Variants in FMNL2 observed in about 807,000 individuals in gnomAD.
FMNL2 encodes the protein formin-like protein 2.
Under a neutral mutation model 130.2 loss-of-function variants are expected in FMNL2, and 51 were observed. That is an observed-to-expected ratio of 0.39 (90% confidence interval 0.31 to 0.49). The LOEUF (loss-of-function observed/expected upper bound fraction) is 0.49. FMNL2 is among the 20% of genes least tolerant of loss of function. FMNL2 has a pLI of 0.85. For missense variants in FMNL2, 977 were observed against 1,316.2 expected (o/e 0.74, Z 3.99); for synonymous variants, 465 against 467.1 (o/e 1.00, Z 0.06).
intron 25 of FMNL2, chr2:152,645,537 A>G: frequency 3.9e-6 from 5 of 1,284,484 alleles, no homozygotes; most frequent in Non-Finnish European, 5.1e-6. Flanking sequence ...GGCAAGCATC[A>G]CTTTTTACTT....
At position 152,400,331 on chromosome 2, in the gene FMNL2, G is replaced by T. The variant is rs558616861; in HGVS notation, c.117+64611G>T. ...GCCTGCAGTCCCAGCTACTCTGTGG[G>T]CTGAGGCAGAAGAATCGCTTGAATC... On this transcript the variant is annotated intron_variant, in intron 1 of 25. Transcript: ENST00000288670. Among the ~76,000 whole-genome samples, 390 of 152,304 alleles carry T rather than the reference G, an allele frequency of 2.6e-3. 1 individual carries two copies. The highest frequency in any genetic ancestry group is 9.1e-3 in the African/African-American group (380 of 41,576).
chr2:152,564,798 T>TTTTTTTTTTA (rs1553477782), intron 6 of FMNL2, among the ~76,000 whole-genome samples: 13 of 146,398 alleles, frequency 8.9e-5, no homozygotes, highest in East Asian at 2.0e-4. Context: ...TTTTTTTTTT[T>TTTTTTTTTTA]AACCAAATTC....
intron 15 of FMNL2, among the ~76,000 whole-genome samples, chr2:152,620,227 A>G (rs1028927249): frequency 8.5e-5 from 13 of 152,258 alleles, no homozygotes; most frequent in African/African-American, 3.1e-4. Context: ...CGAGAACATC[A>G]GAATTTGCTA....
At chr2:152,536,629 G>T (rs1479633839) in intron 2 of FMNL2, among the ~76,000 whole-genome samples, 2 of 152,120 alleles carry the variant, frequency 1.3e-5, no homozygotes, top group Non-Finnish European at 2.9e-5. Flanking sequence ...CATCCCTGAG[G>T]ATGTTCAAGC....
chr2:152,558,679 G>T, intron 4 of FMNL2, 61 bp from the exon 5 acceptor site: 1 of 1,474,620 alleles, frequency 6.8e-7, no homozygotes, highest in Non-Finnish European at 9.3e-7. Flanking sequence ...CATTGTGTCC[G>T]TTCCATGGCA....
chr2:152,519,997 T>C (rs1273736153), intron 1 of FMNL2, among the ~76,000 whole-genome samples: 1 of 152,230 alleles, frequency 6.6e-6, no homozygotes, highest in East Asian at 1.9e-4. Flanking sequence ...TAAGCAATGA[T>C]GGACTGACCA....
intron 5 of FMNL2, among the ~76,000 whole-genome samples, chr2:152,560,159 TTC>T (rs1318606594): frequency 6.6e-6 from 1 of 150,730 alleles, no homozygotes; most frequent in African/African-American, 2.4e-5. Flanking sequence ...TTAATACAAT[TTC>T]TTTTTTTTTT....
At chr2:152,449,767 T>C (rs144137546) in intron 1 of FMNL2, among the ~76,000 whole-genome samples, 2 of 152,258 alleles carry the variant, frequency 1.3e-5, no homozygotes, top group African/African-American at 4.8e-5. Context: ...AAAATGGAAT[T>C]TGCTTGTAGA....
chr2:152,422,155 A>G (rs1686956291), intron 1 of FMNL2, among the ~76,000 whole-genome samples: 1 of 152,230 alleles, frequency 6.6e-6, no homozygotes, highest in African/African-American at 2.4e-5. Context: ...CAGGGAAAGT[A>G]CTTGCCTGTT....
At chr2:152,590,073 A>G (rs1697348545) in intron 9 of FMNL2, among the ~76,000 whole-genome samples, 1 of 148,038 alleles carries the variant, frequency 6.8e-6, no homozygotes, top group Admixed American at 6.8e-5. Flanking sequence ...TCTTGTGGAG[A>G]CAAGATCTTG....
chr2:152,437,143 A>G (rs1483112308), intron 1 of FMNL2, among the ~76,000 whole-genome samples: 2 of 152,214 alleles, frequency 1.3e-5, no homozygotes, highest in African/African-American at 2.4e-5. Flanking sequence ...GGCTTTACCC[A>G]TATGAATTAA....
intron 1 of FMNL2, among the ~76,000 whole-genome samples, chr2:152,513,872 T>C (rs2105369844): frequency 6.6e-6 from 1 of 152,310 alleles, no homozygotes; most frequent in African/African-American, 2.4e-5. Context: ...AATGACTGAC[T>C]GGTGATTCAC....
intron 1 of FMNL2, among the ~76,000 whole-genome samples, chr2:152,394,650 A>G (rs1233861999): frequency 6.6e-6 from 1 of 151,490 alleles, no homozygotes; most frequent in East Asian, 1.9e-4. Flanking sequence ...ATGAAGAATG[A>G]CAACTTGATC....
Position 152,640,071 on chromosome 2 carries a change from A to G in FMNL2, c.3045+15A>G, listed in dbSNP as rs1262768431. ...AGGATCCAAAGGTAAGAAGTGCCGC[A>G]CTCATGAGACAGGTCCGTGAGGAGA... On this transcript the variant is annotated intron_variant, in intron 24 of 25. Transcript: ENST00000288670. The G allele has an allele frequency of 6.5e-7, 1 of 1,539,274 alleles. No homozygotes were observed. The highest frequency in any genetic ancestry group is 2.1e-5 in the Admixed American group (1 of 47,642).
Position 152,640,776 on chromosome 2 carries a change from CTTCT to C in FMNL2, c.3046-9_3046-6del. The stretch of plus-strand genomic sequence containing the variant: ...GGTGCTGGCCTCACTAATCTCTGCC[CTTCT>C]TTCTTCTCAGTCTCCTTCTCATAAA... On this transcript the variant is annotated splice_polypyrimidine_tract_variant and intron_variant, in intron 24 of 25. Transcript: ENST00000288670. 1 of 1,611,316 alleles carries C rather than the reference CTTCT, an allele frequency of 6.2e-7. No individual in the cohort carries two copies. Among genetic ancestry groups the C allele is most frequent in the Non-Finnish European group, 8.5e-7 (1 of 1,178,588 alleles).
intron 1 of FMNL2, among the ~76,000 whole-genome samples, chr2:152,339,148 C>T (rs770505565): frequency 1.1e-4 from 16 of 152,168 alleles, no homozygotes; most frequent in South Asian, 2.1e-4. Context: ...ATGGGCCCAA[C>T]GCAAATTCAT....
intron 15 of FMNL2, among the ~76,000 whole-genome samples, chr2:152,623,034 C>T (rs1191681126): frequency 1.3e-5 from 2 of 152,112 alleles, no homozygotes; most frequent in Non-Finnish European, 2.9e-5. Context: ...CCACTCCCAC[C>T]CTGGTTAAAG....
intron 1 of FMNL2, among the ~76,000 whole-genome samples, chr2:152,337,957 A>G (rs1397167520): frequency 6.6e-6 from 1 of 150,722 alleles, no homozygotes; most frequent in Non-Finnish European, 1.5e-5. Context: ...CTGTGAGAGG[A>G]GTTGAAACCT....
chr2:152,389,671 G>A (rs575584801), intron 1 of FMNL2, among the ~76,000 whole-genome samples: 21 of 152,354 alleles, frequency 1.4e-4, no homozygotes, highest in Middle Eastern at 3.4e-3. Context: ...GATCCGAGCC[G>A]GCGCGATGGG....
Sources: gnomAD v4.1 joint callset for allele counts (sites outside exome capture counted in the v4.1 genomes callset) on GRCh38, gnomAD v4.1.1 for gene constraint, MANE v1.5 for transcripts, NCBI Gene and HGNC (gene_info 2026-07-23, HGNC 2026-07-21) for gene names.